SLC19A3: variants seen among roughly 807,000 people sequenced by gnomAD.
SLC19A3 encodes thiamine transporter 2.
Under a neutral mutation model 40.2 loss-of-function variants are expected in SLC19A3, and 31 were observed. The observed-to-expected ratio is 0.77, with a 90% CI of 0.58 to 1.04. SLC19A3 has a LOEUF of 1.04. SLC19A3 is among the 50% of genes least tolerant of loss of function. The pLI is 0.00. For missense variants in SLC19A3, 592 were observed against 596.7 expected (o/e 0.99, Z 0.08); for synonymous variants, 212 against 227.5 (o/e 0.93, Z 0.61).
chr2:227,700,109 T>G (rs1181050540), intron 2 of SLC19A3, among the ~76,000 whole-genome samples: 1 of 151,980 alleles, frequency 6.6e-6, no homozygotes, highest in Non-Finnish European at 1.5e-5. Context: ...ACTCCTGAAC[T>G]TAGGTGATCC....
chr2:227,685,148 G>A lies in SLC19A3; in HGVS notation c.*2249C>T, dbSNP rs112366807. ...GAAGAATTTCGGGATTTGGAGAGGA[G>A]TATACTTGAGAAACATATTAGTCCA... On this transcript the variant is annotated 3_prime_UTR_variant, in exon 6 of 6. Transcript: ENST00000644224. 1 of 152,064 alleles carries A rather than the reference G, an allele frequency of 6.6e-6. No individual in the cohort carries two copies. The highest frequency in any genetic ancestry group is 1.5e-5 in the Non-Finnish European group (1 of 68,026). The allele number at this position is 152,064 out of a possible 1,614,324, so 9.4% of individuals were successfully genotyped here.
chr2:227,689,641 T>C (rs115465334), intron 4 of SLC19A3, among the ~76,000 whole-genome samples: 3,018 of 152,270 alleles, frequency 0.02, 113 homozygotes, highest in African/African-American at 0.068. Context: ...AGGACGTTCA[T>C]GCGCAATAAG....
At chr2:227,693,606 C>T (rs1460111917) in intron 4 of SLC19A3, among the ~76,000 whole-genome samples, 1 of 152,160 alleles carries the variant, frequency 6.6e-6, no homozygotes, top group African/African-American at 2.4e-5. Context: ...GGATTAATGA[C>T]TTAAATCTAA....
chr2:227,707,158 T>C (rs969947467), intron 1 of SLC19A3, among the ~76,000 whole-genome samples: 1 of 152,216 alleles, frequency 6.6e-6, no homozygotes, highest in Admixed American at 6.5e-5. Flanking sequence ...CCACAGACAC[T>C]GTGGGGATAC....
intron 1 of SLC19A3, among the ~76,000 whole-genome samples, chr2:227,712,877 T>C (rs1016152002): frequency 4.0e-5 from 6 of 151,502 alleles, no homozygotes; most frequent in African/African-American, 9.7e-5. Context: ...TCTGTAGTGA[T>C]GGAAATCGGA....
In SLC19A3 at chr2:227,685,325, C is replaced by A; in HGVS notation, c.*2072G>T. On this transcript the variant is annotated 3_prime_UTR_variant, in exon 6 of 6. Transcript: ENST00000644224. ...CTCATGGCAGAAGGCAAAGTGGGAG[C>A]AGGCATCTTCACGTGGCCAAAGCAG... The A allele has an allele frequency of 6.6e-6, 1 of 152,482 alleles. No homozygotes were observed. The highest frequency in any genetic ancestry group is 1.5e-5 in the Non-Finnish European group (1 of 68,198). The allele number at this position is 152,482 out of a possible 1,614,324, so 9.4% of individuals were successfully genotyped here.
intron 2 of SLC19A3, among the ~76,000 whole-genome samples, chr2:227,700,240 A>G (rs550172955): frequency 6.6e-6 from 1 of 151,928 alleles, no homozygotes; most frequent in Admixed American, 6.6e-5. Flanking sequence ...AGTAGACCAC[A>G]ATGTTAAAAG....
At chr2:227,710,663 G>T (rs1486256890) in intron 1 of SLC19A3, among the ~76,000 whole-genome samples, 1 of 152,044 alleles carries the variant, frequency 6.6e-6, no homozygotes, top group Admixed American at 6.6e-5. Context: ...CCAGTTTTTA[G>T]ACTATCTATG....
intron 4 of SLC19A3, among the ~76,000 whole-genome samples, chr2:227,690,622 G>C (rs1695185168): frequency 1.4e-5 from 2 of 146,102 alleles, no homozygotes; most frequent in Admixed American, 7.1e-5. Context: ...CAGGAGAATG[G>C]TGTGAACCCG....
At chr2:227,707,716 C>T (rs1175491257) in intron 1 of SLC19A3, among the ~76,000 whole-genome samples, 1 of 151,952 alleles carries the variant, frequency 6.6e-6, no homozygotes, top group East Asian at 1.9e-4. Context: ...ACTGTTTGGC[C>T]TCCAGCTTCT....
chr2:227,714,379 T>C (rs2106344392), intron 1 of SLC19A3: 2 of 968,974 alleles, frequency 2.1e-6, no homozygotes, highest in East Asian at 1.1e-4. Context: ...TGGCCACATA[T>C]AACATTTTTC....
chr2:227,717,404 T>C (rs1360342263), intron 1 of SLC19A3, among the ~76,000 whole-genome samples: 3 of 152,204 alleles, frequency 2.0e-5, no homozygotes, highest in Non-Finnish European at 4.4e-5. Context: ...ATTGATTTGG[T>C]AAACAGCTGT....
At chr2:227,708,589 CAAA>C (rs1442396937) in intron 1 of SLC19A3, among the ~76,000 whole-genome samples, 10 of 142,126 alleles carry the variant, frequency 7.0e-5, no homozygotes, top group Non-Finnish European at 9.1e-5. Context: ...AACAAACAAA[CAAA>C]CCAAAAAAAC....
At chr2:227,688,363 A>G in intron 4 of SLC19A3, 56 bp from the exon 5 acceptor site, 1 of 1,554,426 alleles carries the variant, frequency 6.4e-7, no homozygotes, top group Admixed American at 1.7e-5. Flanking sequence ...TGGAAGTCTT[A>G]AAAAGATAGA....
At chr2:227,700,834 C>T in intron 2 of SLC19A3, 1 of 920,982 alleles carries the variant, frequency 1.1e-6, no homozygotes. Context: ...TCTCAATTTT[C>T]ACAGTTGGAA....
At chr2:227,706,336 C>T (rs1695941386) in intron 1 of SLC19A3, 1 of 1,231,462 alleles carries the variant, frequency 8.1e-7, no homozygotes, top group Admixed American at 4.2e-5. Flanking sequence ...AGATGTTTAC[C>T]TTTCCCCTTC....
intron 1 of SLC19A3, among the ~76,000 whole-genome samples, chr2:227,712,012 T>C (rs866974697): frequency 2.1e-4 from 26 of 123,570 alleles, no homozygotes; most frequent in African/African-American, 8.1e-4. Flanking sequence ...ATCCCGCTAT[T>C]GCACTCCAGC....
chr2:227,690,403 G>A (rs190058183), intron 4 of SLC19A3, among the ~76,000 whole-genome samples: 2 of 152,176 alleles, frequency 1.3e-5, no homozygotes, highest in Admixed American at 1.3e-4. Context: ...AATTCAGCAA[G>A]AGAATATAAA....
At chr2:227,692,122 A>G (rs2106322304) in intron 4 of SLC19A3, among the ~76,000 whole-genome samples, 1 of 152,364 alleles carries the variant, frequency 6.6e-6, no homozygotes, top group East Asian at 1.9e-4. Context: ...CAATGGCTTC[A>G]CTGCTGAATT....
Sources: allele counts gnomAD v4.1 joint callset (sites outside exome capture counted in the v4.1 genomes callset), GRCh38; gene constraint gnomAD v4.1.1; transcripts MANE v1.5; gene names NCBI Gene and HGNC (gene_info 2026-07-23, HGNC 2026-07-21).